RPGRIP1L: variants seen among roughly 807,000 people sequenced by gnomAD.
RPGRIP1L encodes the protein RPGRIP1 like.
A neutral mutation model predicts 160.4 loss-of-function variants in RPGRIP1L; 131 were observed. The observed-to-expected ratio is 0.82, with a 90% CI of 0.71 to 0.94. The LOEUF (loss-of-function observed/expected upper bound fraction) is 0.94, where lower values mean the gene tolerates loss of function less well. Among genes scored for constraint, RPGRIP1L ranks in the 40% least tolerant of loss-of-function variants. The pLI, the probability that RPGRIP1L is intolerant of heterozygous loss-of-function variation, is 0.00. For synonymous variants in RPGRIP1L, 510 were observed against 515.8 expected (o/e 0.99, Z 0.15); for missense variants, 1,522 against 1,535.8 (o/e 0.99, Z 0.15).
chr16:53,626,839 T>G (rs958945771), intron 22 of RPGRIP1L, among the ~76,000 whole-genome samples: 2 of 151,038 alleles, frequency 1.3e-5, no homozygotes. Flanking sequence ...TTTTTTGTGG[T>G]GAACAGAAGT....
chr16:53,661,770 C>T (rs563734176), intron 10 of RPGRIP1L, among the ~76,000 whole-genome samples: 1 of 152,116 alleles, frequency 6.6e-6, no homozygotes, highest in Non-Finnish European at 1.5e-5. Context: ...ATGTTTCCAG[C>T]CTTTCCTAAC....
chr16:53,694,075 G>C (rs765979401), intron 3 of RPGRIP1L: 5 of 152,056 alleles, frequency 3.3e-5, no homozygotes, highest in African/African-American at 4.8e-5. Context: ...CCATTTGCTG[G>C]ATTTGATTAT....
At chr16:53,700,225 G>A (rs1644129416) in intron 2 of RPGRIP1L, among the ~76,000 whole-genome samples, 1 of 152,196 alleles carries the variant, frequency 6.6e-6, no homozygotes, top group Non-Finnish European at 1.5e-5. Context: ...TCACTATCAT[G>A]TGAGATATTC....
At position 53,602,185 on chromosome 16, in the gene RPGRIP1L, A is replaced by G. The variant is rs377402117; in HGVS notation, c.3839T>C (p.Phe1280Ser). Residue 1280 changes from phenylalanine (F) to serine (S), a missense_variant, in exon 27 of 27, where the codon TTT becomes TCT. By Grantham distance (155) the Phe-to-Ser change is radical. Coordinates refer to ENST00000647211, the MANE Select transcript of RPGRIP1L (RefSeq NM_015272.5). ...ACCTTCACCATCTGCTCGTGCATCA[A>G]AAACTAGGGAGAAAAGAGCAGGAAA... ...RDLIEQNIDV[F>S]DARADGEGIG... The G allele has an allele frequency of 2.5e-5, 40 of 1,608,048 alleles. No homozygotes were observed. In the East Asian group the frequency reaches 5.4e-4, roughly 22 times the overall value.
chr16:53,681,293 A>T (rs1273158370), intron 6 of RPGRIP1L, among the ~76,000 whole-genome samples: 1 of 152,196 alleles, frequency 6.6e-6, no homozygotes, highest in Non-Finnish European at 1.5e-5. Context: ...CCTAACATTT[A>T]TTTTAAAAAA....
intron 25 of RPGRIP1L, among the ~76,000 whole-genome samples, chr16:53,609,214 T>C (rs1963875344): frequency 6.6e-6 from 1 of 152,142 alleles, no homozygotes; most frequent in Non-Finnish European, 1.5e-5. Context: ...TCAACCTTCA[T>C]AGTAGCTGGG....
intron 6 of RPGRIP1L, among the ~76,000 whole-genome samples, chr16:53,681,342 A>C (rs964959337): frequency 6.6e-5 from 10 of 152,240 alleles, no homozygotes; most frequent in African/African-American, 2.4e-4. Flanking sequence ...GTAAGAGTAT[A>C]AATATTTTTG....
intron 16 of RPGRIP1L, among the ~76,000 whole-genome samples, chr16:53,648,626 G>GCACACACACA (rs113624342): frequency 0.068 from 9,816 of 143,938 alleles, 478 homozygotes; most frequent in Non-Finnish European, 0.1. Context: ...GCGCGCGCGC[G>GCACACACACA]CACACACACA....
At position 53,664,937 on chromosome 16, in the gene RPGRIP1L, G is replaced by C. The variant is rs759115653; in HGVS notation, c.1176C>G (p.Leu392=). Residue 392 remains leucine (L), a synonymous_variant, in exon 10 of 27, where the codon CTC becomes CTG. Coordinates refer to ENST00000647211, the MANE Select transcript of RPGRIP1L (RefSeq NM_015272.5). ...TTAAGTCAGACTTCAAGGCAGTCTC[G>C]AGCTGAGCAATCTGCACTTTCAGCT... ...EQQLKVQIAQ[L]ETALKSDLTD... 1.9e-6 allele frequency: 3 copies of C among 1,613,260 alleles called. No individual in the cohort carries two copies. Among genetic ancestry groups the C allele is most frequent in the South Asian group, 1.1e-5 (1 of 91,078 alleles).
intron 22 of RPGRIP1L, among the ~76,000 whole-genome samples, chr16:53,631,636 CA>C (rs1567814270): frequency 6.6e-6 from 1 of 152,160 alleles, no homozygotes; most frequent in East Asian, 1.9e-4. Flanking sequence ...ATGTATTATA[CA>C]TCAAATTTAT....
At chr16:53,688,575 T>A (rs1173180850) in intron 4 of RPGRIP1L, among the ~76,000 whole-genome samples, 4 of 152,070 alleles carry the variant, frequency 2.6e-5, no homozygotes, top group Non-Finnish European at 4.4e-5. Context: ...TCCCATTGTT[T>A]AAAATAAGGC....
chr16:53,634,912 A>G (rs1043065355), intron 22 of RPGRIP1L, among the ~76,000 whole-genome samples: 1 of 152,180 alleles, frequency 6.6e-6, no homozygotes, highest in Non-Finnish European at 1.5e-5. Context: ...TGAAAATAGA[A>G]TTTTTTAAAG....
At chr16:53,624,385 T>A (rs952992595) in intron 22 of RPGRIP1L, among the ~76,000 whole-genome samples, 1 of 136,584 alleles carries the variant, frequency 7.3e-6, no homozygotes, top group African/African-American at 3.1e-5. Flanking sequence ...ACCCTGTTTC[T>A]ATTAAAAATA....
In RPGRIP1L at chr16:53,661,284, G is replaced by C. The variant is rs577352007; in HGVS notation, c.1244-2406C>G. 4.8e-5 allele frequency among the ~76,000 whole-genome samples: 7 copies of C among 145,284 alleles called. No individual in the cohort carries two copies. In the East Asian group the frequency reaches 1.5e-3, roughly 30 times the overall value. On this transcript the variant is annotated intron_variant, in intron 10 of 26. Transcript: ENST00000647211. The stretch of plus-strand genomic sequence containing the variant: ...TGCACTCCAGCCTGGGCAACAGAGC[G>C]ACACTCCATTTCAAAAAAAAAAAAA...
At position 53,667,243 on chromosome 16, in the gene RPGRIP1L, G is replaced by A. The variant is rs989926835; in HGVS notation, c.1104-2234C>T. ...ATGCCCATTGCTGCTTGTGGTCACC[G>A]GCATGTCCACTGGCAGACATGGGTC... On this transcript the variant is annotated intron_variant, in intron 9 of 26. Coordinates refer to ENST00000647211, the MANE Select transcript of RPGRIP1L (RefSeq NM_015272.5). Among the ~76,000 whole-genome samples the A allele has an allele frequency of 5.3e-5, 8 of 152,108 alleles. No individual in the cohort carries two copies. In the East Asian group the frequency reaches 1.2e-3, roughly 22 times the overall value.
intron 15 of RPGRIP1L, among the ~76,000 whole-genome samples, chr16:53,649,711 T>C (rs1259483074): frequency 1.3e-5 from 2 of 152,194 alleles, no homozygotes; most frequent in Admixed American, 1.3e-4. Context: ...TCTTCATCTC[T>C]CTTCCATGGG....
chr16:53,700,561 T>C (rs986878655), intron 2 of RPGRIP1L, 78 bp downstream of exon 2: 1 of 1,119,782 alleles, frequency 8.9e-7, no homozygotes, highest in Admixed American at 1.9e-5. Flanking sequence ...TTGGTTTGTA[T>C]GAGTATAAGA....
chr16:53,687,735 C>T, intron 5 of RPGRIP1L, 128 bp downstream of exon 5: 4 of 677,784 alleles, frequency 5.9e-6, no homozygotes, highest in South Asian at 3.3e-5. Context: ...CTGTTGTTAC[C>T]CTACAGAACA....
In RPGRIP1L at chr16:53,653,107, A is replaced by T; in HGVS notation, c.1700-120T>A. 3.3e-6 allele frequency: 3 copies of T among 908,244 alleles called. No homozygotes were observed. The South Asian group carries it at 4.6e-5, about 14-fold the overall frequency. 56.3% of individuals were successfully genotyped at this position (908,244 alleles called of 1,614,324 possible). A position where few individuals can be genotyped will look rare whatever the true frequency, so the allele number is the denominator to read the frequency against. ...AACAGTCTCTATTTTAAATTCTATG[A>T]CTACACTGTTTTTCTGTAAATAATA... On this transcript the variant is annotated intron_variant, in intron 14 of 26. Coordinates refer to ENST00000647211, the MANE Select transcript of RPGRIP1L (RefSeq NM_015272.5).
Sources: gnomAD v4.1 joint callset for allele counts (sites outside exome capture counted in the v4.1 genomes callset) on GRCh38, gnomAD v4.1.1 for gene constraint, MANE v1.5 for transcripts, NCBI Gene and HGNC (gene_info 2026-07-23, HGNC 2026-07-21) for gene names.